LIFR: variants seen among roughly 807,000 people sequenced by gnomAD.
LIFR encodes LIF receptor subunit alpha.
Under a neutral mutation model 122.2 loss-of-function variants are expected in LIFR, and 84 were observed. The observed-to-expected ratio is 0.69, with a 90% confidence interval of 0.58 to 0.82. The LOEUF (loss-of-function observed/expected upper bound fraction) is 0.82. Ranked by LOEUF, LIFR falls within the 40% of genes least tolerant of loss-of-function variation. The pLI, the probability that LIFR is intolerant of heterozygous loss-of-function variation, is 0.00. For synonymous variants in LIFR, 422 were observed against 434.7 expected (o/e 0.97, Z 0.36); for missense variants, 1,294 against 1,311.6 (o/e 0.99, Z 0.21).
intron 1 of LIFR, among the ~76,000 whole-genome samples, chr5:38,594,037 G>A (rs1750017423): frequency 1.3e-5 from 2 of 152,202 alleles, no homozygotes; most frequent in South Asian, 4.1e-4. Flanking sequence ...GGAAACAAGA[G>A]AGACAGGACA....
rs955053764 is a variant in LIFR at position 38,474,794 on chromosome 5, C to T, written c.*6801G>A. Among the ~76,000 whole-genome samples, 1 of 152,098 alleles carries T rather than the reference C, an allele frequency of 6.6e-6. No individual in the cohort carries two copies. Among genetic ancestry groups the T allele is most frequent in the Admixed American group, 6.6e-5 (1 of 15,256 alleles). ...GGACAGATGGATGTTACACCAATGG[C>T]ACAGCAATGTACTCAAATGTTAAAA... On this transcript the variant is annotated 3_prime_UTR_variant, in exon 20 of 20. Coordinates refer to ENST00000453190, the MANE Select transcript of LIFR (RefSeq NM_001127671.2).
intron 7 of LIFR, among the ~76,000 whole-genome samples, chr5:38,509,527 G>A (rs1339925167): frequency 3.3e-5 from 5 of 152,146 alleles, no homozygotes; most frequent in Non-Finnish European, 5.9e-5. Context: ...ATGAGTAAAC[G>A]AGAGAGCTGC....
upstream of LIFR, chr5:38,557,045 G>A (rs1346932249): frequency 6.6e-6 from 1 of 152,266 alleles, no homozygotes; most frequent in Non-Finnish European, 1.5e-5. Flanking sequence ...GGAAAGCGGG[G>A]AACCGTGTTT....
At position 38,511,829 on chromosome 5, in the gene LIFR, C is replaced by G. The variant is rs764460986; in HGVS notation, c.697G>C (p.Glu233Gln). 7 of 1,613,924 alleles carry G rather than the reference C, an allele frequency of 4.3e-6. No individual in the cohort carries two copies. Among genetic ancestry groups the G allele is most frequent in the Non-Finnish European group, 5.9e-6 (7 of 1,179,972 alleles). ...YIDNLHFSGL[E>Q]EWSDWSPVKN... The stretch of plus-strand genomic sequence containing the variant: ...ACAGGGCTCCAGTCACTCCACTCTT[C>G]GAGACCAGAAAAATGAAGATTGTCA... The change falls in exon 6 of 20, where the codon GAA becomes CAA. Residue 233 changes from glutamate (E) to glutamine (Q), a missense_variant. Transcript: ENST00000453190.
upstream of LIFR, among the ~76,000 whole-genome samples, chr5:38,598,622 C>T (rs560868923): frequency 3.9e-5 from 6 of 152,156 alleles, no homozygotes; most frequent in South Asian, 1.2e-3. Context: ...TGCAGGCCTG[C>T]ATCACCCGCT....
chr5:38,538,589 G>C (rs1747414512), intron 1 of LIFR, among the ~76,000 whole-genome samples: 1 of 152,026 alleles, frequency 6.6e-6, no homozygotes, highest in South Asian at 2.1e-4. Flanking sequence ...GAGTAACCCT[G>C]ACTCTTCCTT....
At position 38,533,274 on chromosome 5, in the gene LIFR, C is replaced by A. The variant is rs185025638; in HGVS notation, c.-19-2608G>T. Among the ~76,000 whole-genome samples, 737 of 152,278 alleles carry A rather than the reference C, an allele frequency of 4.8e-3. 4 individuals are homozygous for A. The highest frequency in any genetic ancestry group is 7.1e-3 in the Admixed American group (109 of 15,294). The stretch of plus-strand genomic sequence containing the variant: ...TAAAGGACTTAAAAAGTCAATAAAC[C>A]CTTCTGCTAAAGAAAAGTAATCATG... On this transcript the variant is annotated intron_variant, in intron 1 of 19. Coordinates refer to ENST00000453190, the MANE Select transcript of LIFR (RefSeq NM_001127671.2).
intron 1 of LIFR, among the ~76,000 whole-genome samples, chr5:38,541,290 G>A (rs1449719388): frequency 1.3e-5 from 2 of 152,154 alleles, no homozygotes; most frequent in African/African-American, 4.8e-5. Context: ...AAATCCTACA[G>A]ACACAGAGGC....
At chr5:38,555,430 A>G (rs1423043813) in intron 1 of LIFR, among the ~76,000 whole-genome samples, 4 of 152,202 alleles carry the variant, frequency 2.6e-5, no homozygotes, top group East Asian at 3.9e-4. Flanking sequence ...CGATACTACT[A>G]TATCACATTA....
At chr5:38,560,150 T>A (rs1470975305), upstream of LIFR, among the ~76,000 whole-genome samples, 15 of 152,148 alleles carry the variant, frequency 9.9e-5, no homozygotes, top group Admixed American at 9.8e-4. Flanking sequence ...TATGGCTGTG[T>A]TCCTGGAATA....
intron 14 of LIFR, among the ~76,000 whole-genome samples, chr5:38,491,331 G>T (rs1744580678): frequency 1.3e-5 from 2 of 152,368 alleles, no homozygotes; most frequent in South Asian, 2.1e-4. Context: ...CACTTGCAGA[G>T]TGGTGGGGAA....
At chr5:38,561,393 T>G (rs142981186), upstream of LIFR, among the ~76,000 whole-genome samples, 1,789 of 152,320 alleles carry the variant, frequency 0.012, 96 homozygotes, top group Admixed American at 0.083. Flanking sequence ...AAATCAAGTC[T>G]TGGTTTTCCT....
chr5:38,598,026 G>GA (rs941613922), upstream of LIFR, among the ~76,000 whole-genome samples: 44 of 149,432 alleles, frequency 2.9e-4, no homozygotes, highest in Middle Eastern at 0.01. Context: ...GTGATAATAA[G>GA]AAAAAAAAAG....
At position 38,504,309 on chromosome 5, in the gene LIFR, CA is replaced by C. The variant is rs751327125; in HGVS notation, c.1292-189del. ...CTGACATCTTGCCAACATTTTTAAA[CA>C]ATCGATCATGCTCAAAGCTCTTAAA... On this transcript the variant is annotated intron_variant, in intron 9 of 19. Transcript: ENST00000453190. Among the ~76,000 whole-genome samples the C allele has an allele frequency of 4.7e-4, 70 of 149,170 alleles. 1 individual carries two copies. The highest frequency in any genetic ancestry group is 7.5e-4 in the Admixed American group (11 of 14,646).
intron 1 of LIFR, among the ~76,000 whole-genome samples, chr5:38,537,697 A>G (rs971599076): frequency 6.6e-6 from 1 of 152,158 alleles, no homozygotes; most frequent in Non-Finnish European, 1.5e-5. Context: ...TGGGCCATAA[A>G]TGGCATTTCT....
At chr5:38,505,319 G>C (rs1023186974) in intron 9 of LIFR, among the ~76,000 whole-genome samples, 3 of 151,954 alleles carry the variant, frequency 2.0e-5, no homozygotes, top group African/African-American at 7.3e-5. Context: ...ACATGAGCAA[G>C]TTCCTTTGTA....
At position 38,523,303 on chromosome 5, in the gene LIFR, T is replaced by C. The variant is rs1263477679; in HGVS notation, c.561+116A>G. The C allele has an allele frequency of 5.2e-6, 4 of 767,098 alleles. No homozygotes were observed. The Admixed American group carries it at 7.3e-5, about 14-fold the overall frequency. The allele number at this position is 767,098 out of a possible 1,614,324, so 47.5% of individuals were successfully genotyped here. A position where few individuals can be genotyped will look rare whatever the true frequency, so the allele number is the denominator to read the frequency against. On this transcript the variant is annotated intron_variant, in intron 5 of 19. Coordinates refer to ENST00000453190, the MANE Select transcript of LIFR (RefSeq NM_001127671.2). ...GATGTTTTTAATGAACCCTGAAAGG[T>C]ATCTGATTTACTTCCTAAATAATCC...
In LIFR at chr5:38,512,470, AT is replaced by A. The variant is rs567266298; in HGVS notation, c.562-507del. On this transcript the variant is annotated intron_variant, in intron 5 of 19. Coordinates refer to ENST00000453190, the MANE Select transcript of LIFR (RefSeq NM_001127671.2). The stretch of plus-strand genomic sequence containing the variant: ...CCCATCTCTACAAAAAAATAAAAAA[AT>A]AAAAAATAAAAAAATAAAATTAGCC... Among the ~76,000 whole-genome samples, 309 of 152,068 alleles carry A rather than the reference AT, an allele frequency of 2.0e-3. 1 individual carries two copies. The highest frequency in any genetic ancestry group is 7.2e-3 in the African/African-American group (297 of 41,494).
intron 4 of LIFR, among the ~76,000 whole-genome samples, chr5:38,526,544 C>A (rs1295108768): frequency 6.6e-6 from 1 of 151,950 alleles, no homozygotes; most frequent in Non-Finnish European, 1.5e-5. Context: ...AGCAAATTGT[C>A]AAGAGATCCA....
Sources: allele counts gnomAD v4.1 joint callset (sites outside exome capture counted in the v4.1 genomes callset), GRCh38; gene constraint gnomAD v4.1.1; transcripts MANE v1.5; gene names NCBI Gene and HGNC (gene_info 2026-07-23, HGNC 2026-07-21).